LRRC3B: variants seen among roughly 807,000 people sequenced by gnomAD.
The protein encoded by LRRC3B is leucine rich repeat containing 3B.
Under a neutral mutation model 12.8 loss-of-function variants are expected in LRRC3B, and 2 were observed. That is an observed-to-expected ratio of 0.16 (90% CI 0.06 to 0.49). The LOEUF (loss-of-function observed/expected upper bound fraction) is 0.49, where lower values mean the gene tolerates loss of function less well. LRRC3B is among the 20% of genes least tolerant of loss of function. The pLI, the probability that LRRC3B is intolerant of heterozygous loss-of-function variation, is 0.96. For synonymous variants in LRRC3B, 132 were observed against 122.0 expected, an observed-to-expected ratio of 1.08 and a Z score of -0.54; for missense variants, 189 against 319.4, an observed-to-expected ratio of 0.59 and a Z score of 3.11.
chr3:26,667,128 A>AAAG (rs1423927008), intron 1 of LRRC3B, among the ~76,000 whole-genome samples: 2 of 151,592 alleles, frequency 1.3e-5, no homozygotes, highest in African/African-American at 4.8e-5. Flanking sequence ...AGAAAAAAAA[A>AAAG]AAAAAAAGCC....
chr3:26,635,054 A>G (rs1165375386), intron 1 of LRRC3B, among the ~76,000 whole-genome samples: 1 of 152,206 alleles, frequency 6.6e-6, no homozygotes, highest in Non-Finnish European at 1.5e-5. Flanking sequence ...ACAGAAGCAC[A>G]TTCATTATGA....
chr3:26,642,408 C>G (rs149729868), intron 1 of LRRC3B, among the ~76,000 whole-genome samples: 223 of 152,192 alleles, frequency 1.5e-3, no homozygotes, highest in Middle Eastern at 3.4e-3. Context: ...AAGATGAAGG[C>G]CTGCACCAAG....
chr3:26,633,978 A>G (rs1031140382), intron 1 of LRRC3B, among the ~76,000 whole-genome samples: 10 of 152,240 alleles, frequency 6.6e-5, no homozygotes, highest in African/African-American at 2.4e-4. Flanking sequence ...AACATGGTAG[A>G]ACTAATTAAA....
chr3:26,676,189 T>C (rs976417319), intron 1 of LRRC3B, among the ~76,000 whole-genome samples: 1 of 151,598 alleles, frequency 6.6e-6, no homozygotes, highest in South Asian at 2.1e-4. Flanking sequence ...CCCATTAACT[T>C]GTCATTTAGC....
At chr3:26,685,490 T>TCC (rs1559366512) in intron 1 of LRRC3B, among the ~76,000 whole-genome samples, 2 of 37,936 alleles carry the variant, frequency 5.3e-5, no homozygotes, top group African/African-American at 2.3e-4. Context: ...TCTCTCCCTC[T>TCC]CTCTCTCTCT....
At chr3:26,629,545 A>G (rs952509208) in intron 1 of LRRC3B, among the ~76,000 whole-genome samples, 11 of 152,324 alleles carry the variant, frequency 7.2e-5, no homozygotes, top group Non-Finnish European at 1.3e-4. Context: ...TGCTTTCCCT[A>G]TGCTGCACTG....
chr3:26,671,072 G>A (rs1285855729), intron 1 of LRRC3B, among the ~76,000 whole-genome samples: 1 of 127,730 alleles, frequency 7.8e-6, no homozygotes, highest in Non-Finnish European at 1.6e-5. Flanking sequence ...CTGGAGTGCA[G>A]TGGCGGGATC....
rs9876154 is a variant in LRRC3B at position 26,673,551 on chromosome 3, G to T, written c.-160-35962G>T. ...TGGACACAAATACTTTCTGGTGCTT[G>T]CCTGTTTTATACGTCTTCTTTGCCT... On this transcript the variant is annotated intron_variant, in intron 1 of 1. Transcript: ENST00000396641. Among the ~76,000 whole-genome samples, 730 of 152,302 alleles carry T rather than the reference G, an allele frequency of 4.8e-3. 2 individuals are homozygous for T. The highest frequency in any genetic ancestry group is 0.016 in the African/African-American group (682 of 41,562).
chr3:26,623,306 TC>T (rs1698551909), intron 1 of LRRC3B, 69 bp downstream of exon 1: 1 of 152,276 alleles, frequency 6.6e-6, no homozygotes, highest in Non-Finnish European at 1.5e-5. Context: ...ACCTAGGCCG[TC>T]CCTCCAAGGA....
intron 1 of LRRC3B, among the ~76,000 whole-genome samples, chr3:26,704,850 G>T (rs905124166): frequency 1.1e-4 from 16 of 152,178 alleles, no homozygotes; most frequent in African/African-American, 3.9e-4. Flanking sequence ...TAAATAATTA[G>T]ATGTATGAGG....
chr3:26,648,780 T>G (rs781227670), intron 1 of LRRC3B, among the ~76,000 whole-genome samples: 4 of 152,220 alleles, frequency 2.6e-5, no homozygotes, highest in Non-Finnish European at 5.9e-5. Flanking sequence ...AATGTTTAAT[T>G]TGAGTGCTTT....
chr3:26,633,164 C>T (rs1279023407), intron 1 of LRRC3B, among the ~76,000 whole-genome samples: 1 of 152,130 alleles, frequency 6.6e-6, no homozygotes, highest in Non-Finnish European at 1.5e-5. Flanking sequence ...TTCTTCCTTT[C>T]TCTTCTTCTC....
At chr3:26,696,133 C>T (rs1700310706) in intron 1 of LRRC3B, among the ~76,000 whole-genome samples, 2 of 152,104 alleles carry the variant, frequency 1.3e-5, no homozygotes, top group African/African-American at 2.4e-5. Flanking sequence ...TAACATATAA[C>T]CCCATTCACT....
intron 1 of LRRC3B, among the ~76,000 whole-genome samples, chr3:26,649,330 T>G (rs1699217494): frequency 6.6e-6 from 1 of 152,154 alleles, no homozygotes; most frequent in Non-Finnish European, 1.5e-5. Context: ...CCATTGGGGT[T>G]CTAAGATTCA....
At chr3:26,676,946 G>A (rs910749939) in intron 1 of LRRC3B, among the ~76,000 whole-genome samples, 4 of 152,164 alleles carry the variant, frequency 2.6e-5, no homozygotes, top group African/African-American at 9.7e-5. Flanking sequence ...GGGTGGAAGT[G>A]TAGAATGGAG....
chr3:26,660,449 G>T (rs908768141), intron 1 of LRRC3B, among the ~76,000 whole-genome samples: 1 of 151,154 alleles, frequency 6.6e-6, no homozygotes, highest in Non-Finnish European at 1.5e-5. Flanking sequence ...CTAGAACAAA[G>T]ATTAAGTGAT....
At chr3:26,640,603 A>G (rs963834633) in intron 1 of LRRC3B, among the ~76,000 whole-genome samples, 7 of 152,168 alleles carry the variant, frequency 4.6e-5, no homozygotes, top group African/African-American at 1.4e-4. Flanking sequence ...CCCCTCTGTC[A>G]GGGTTATTTT....
chr3:26,653,450 A>G (rs1699307049), intron 1 of LRRC3B, among the ~76,000 whole-genome samples: 1 of 152,194 alleles, frequency 6.6e-6, no homozygotes. Flanking sequence ...TGTTGCAGAA[A>G]TTGATCTGTC....
At chr3:26,685,486 C>CCT (rs61229084) in intron 1 of LRRC3B, among the ~76,000 whole-genome samples, 580 of 49,436 alleles carry the variant, frequency 0.012, 11 homozygotes, top group Non-Finnish European at 0.015. Flanking sequence ...AGACTCTCTC[C>CCT]CTCTCTCTCT....
Sources: allele counts gnomAD v4.1 joint callset (sites outside exome capture counted in the v4.1 genomes callset), GRCh38; gene constraint gnomAD v4.1.1; transcripts MANE v1.5; gene names NCBI Gene and HGNC (gene_info 2026-07-23, HGNC 2026-07-21).